CTNND1: variants seen among roughly 807,000 people sequenced by gnomAD.
CTNND1 encodes the protein catenin delta 1.
A neutral mutation model predicts 112.1 loss-of-function variants in CTNND1; 16 were observed. That is an observed-to-expected ratio of 0.14 (90% CI 0.10 to 0.22). The LOEUF (loss-of-function observed/expected upper bound fraction) is 0.22. Among genes scored for constraint, CTNND1 ranks in the 10% least tolerant of loss-of-function variants. The pLI is 1.00. For synonymous variants in CTNND1, 420 were observed against 446.5 expected, an observed-to-expected ratio of 0.94 and a Z score of 0.75; for missense variants, 1,008 against 1,257.0, an observed-to-expected ratio of 0.80 and a Z score of 3.00.
intron 1 of CTNND1, chr11:57,763,973 A>G (rs1950458576): frequency 6.6e-6 from 1 of 152,266 alleles, no homozygotes; most frequent in Non-Finnish European, 1.5e-5. Flanking sequence ...ACTGGTGTGT[A>G]GTACAGAGCC....
chr11:57,805,717 G>A (rs368968014), intron 9 of CTNND1, among the ~76,000 whole-genome samples, 165 bp from the exon 10 acceptor site: 1 of 152,112 alleles, frequency 6.6e-6, no homozygotes, highest in East Asian at 1.9e-4. Context: ...TGAGGCTACC[G>A]GGATTTCAAG....
intron 1 of CTNND1, among the ~76,000 whole-genome samples, chr11:57,772,558 T>TAA (rs1343982207): frequency 6.6e-6 from 1 of 152,154 alleles, no homozygotes; most frequent in Non-Finnish European, 1.5e-5. Context: ...GAAACTAACT[T>TAA]TCCTTATGTT....
chr11:57,795,796 T>C, intron 5 of CTNND1, 67 bp downstream of exon 5: 1 of 1,433,260 alleles, frequency 7.0e-7, no homozygotes, highest in Non-Finnish European at 9.2e-7. Flanking sequence ...AGGGGAGGGG[T>C]TAAGCACTTA....
rs2063710016 is a variant in CTNND1, at chr11:57,814,347, A to G, written c.2675A>G (p.Asn892Ser). The change falls in exon 18 of 21, where the codon AAT becomes AGT. Residue 892 changes from asparagine (N) to serine (S), a missense_variant. Transcript: ENST00000399050. ...GATCGGGAAGAAATTCAGATGAGCA[A>G]TATGGGATCAAACACAAAATCACTA... ...KPDREEIQMSNMGSNTKSLDN... is the reference protein window; with the variant it reads ...KPDREEIQMSSMGSNTKSLDN... The G allele has an allele frequency of 6.2e-7, 1 of 1,611,868 alleles. No homozygotes were observed. Among genetic ancestry groups the G allele is most frequent in the Non-Finnish European group, 8.5e-7 (1 of 1,178,924 alleles).
At chr11:57,769,197 C>A (rs1033495128) in intron 1 of CTNND1, among the ~76,000 whole-genome samples, 1 of 151,824 alleles carries the variant, frequency 6.6e-6, no homozygotes, top group African/African-American at 2.4e-5. Flanking sequence ...TGCCTGTAAT[C>A]TGAGCTACTC....
intron 1 of CTNND1, among the ~76,000 whole-genome samples, chr11:57,782,356 T>C (rs894978026): frequency 2.0e-5 from 3 of 152,216 alleles, no homozygotes; most frequent in Non-Finnish European, 2.9e-5. Flanking sequence ...GGTCAGCCTT[T>C]TACCCTCTTT....
chr11:57,806,655 T>C, intron 11 of CTNND1, 177 bp downstream of exon 11: 1 of 655,488 alleles, frequency 1.5e-6, no homozygotes, highest in Non-Finnish European at 2.7e-6. Context: ...ATGCTGTTTC[T>C]GGGCAGCAGT....
chr11:57,799,168 T>A (rs2061707231), intron 6 of CTNND1, among the ~76,000 whole-genome samples: 1 of 152,208 alleles, frequency 6.6e-6, no homozygotes, highest in Non-Finnish European at 1.5e-5. Context: ...GGATAGCTAA[T>A]CCAACTCCCA....
chr11:57,764,910 C>G (rs1950704883), intron 1 of CTNND1, among the ~76,000 whole-genome samples: 1 of 152,236 alleles, frequency 6.6e-6, no homozygotes, highest in African/African-American at 2.4e-5. Context: ...CAACTCCCCA[C>G]TACCCTTGTT....
chr11:57,778,447 C>T (rs1048937434), intron 1 of CTNND1, among the ~76,000 whole-genome samples: 5 of 152,188 alleles, frequency 3.3e-5, no homozygotes. Flanking sequence ...ATCCCTAATG[C>T]AGTGCCTCCA....
At chr11:57,794,162 G>C in intron 4 of CTNND1, 81 bp downstream of exon 4, 1 of 1,259,530 alleles carries the variant, frequency 7.9e-7, no homozygotes, top group Non-Finnish European at 1.2e-6. Flanking sequence ...TTTGTGTCTT[G>C]TAAGGTGCCT....
At chr11:57,767,292 C>A (rs1406189269) in intron 1 of CTNND1, among the ~76,000 whole-genome samples, 2 of 152,036 alleles carry the variant, frequency 1.3e-5, no homozygotes, top group East Asian at 3.9e-4. Flanking sequence ...CCTTGCTGGT[C>A]AGCAGTAGGT....
At chr11:57,777,022 G>A (rs567732697) in intron 1 of CTNND1, among the ~76,000 whole-genome samples, 1 of 152,270 alleles carries the variant, frequency 6.6e-6, no homozygotes, top group South Asian at 2.1e-4. Flanking sequence ...TATGCATAAG[G>A]AAGAATTGGA....
intron 1 of CTNND1, among the ~76,000 whole-genome samples, chr11:57,773,318 A>C (rs1327900109): frequency 1.3e-5 from 2 of 151,950 alleles, no homozygotes; most frequent in African/African-American, 4.8e-5. Flanking sequence ...TTTTTTGTAG[A>C]GACATGGTCT....
At chr11:57,781,421 C>T (rs1242988328) in intron 1 of CTNND1, among the ~76,000 whole-genome samples, 6 of 152,144 alleles carry the variant, frequency 3.9e-5, no homozygotes. Context: ...AATACCTTTG[C>T]ATTTCAATGA....
chr11:57,808,681 T>G, intron 14 of CTNND1, 141 bp downstream of exon 14: 1 of 740,324 alleles, frequency 1.4e-6, no homozygotes, highest in Non-Finnish European at 2.0e-6. Context: ...AATGCGAGAG[T>G]TGGTAAGGGT....
intron 16 of CTNND1, among the ~76,000 whole-genome samples, 195 bp downstream of exon 16, chr11:57,810,418 T>A (rs532247492): frequency 6.6e-6 from 1 of 152,042 alleles, no homozygotes; most frequent in East Asian, 2.0e-4. Flanking sequence ...AACCTCTGCC[T>A]CCCGGGTTCA....
At chr11:57,773,753 A>G (rs1953412192) in intron 1 of CTNND1, among the ~76,000 whole-genome samples, 1 of 151,614 alleles carries the variant, frequency 6.6e-6, no homozygotes, top group African/African-American at 2.4e-5. Flanking sequence ...CCTGGCCAAC[A>G]TAGCAAAACC....
rs1263805256 is a variant in CTNND1, at chr11:57,818,579, G to T, written c.*2271G>T. Reference sequence around the variant, plus strand: ...GAGGTTATACCAGGATTTATTTTGAGCTCAGCCCCAACTCTTTATCAAGCA... The same window carrying T: ...GAGGTTATACCAGGATTTATTTTGATCTCAGCCCCAACTCTTTATCAAGCA... On this transcript the variant is annotated 3_prime_UTR_variant, in exon 21 of 21. Coordinates refer to ENST00000399050, the MANE Select transcript of CTNND1 (RefSeq NM_001085458.2). The T allele has an allele frequency of 6.6e-6, 1 of 152,314 alleles. No homozygotes were observed. The allele number at this position is 152,314 out of a possible 1,614,324, so 9.4% of individuals were successfully genotyped here.
Sources: gnomAD v4.1 joint callset for allele counts (sites outside exome capture counted in the v4.1 genomes callset) on GRCh38, gnomAD v4.1.1 for gene constraint, MANE v1.5 for transcripts, NCBI Gene and HGNC (gene_info 2026-07-23, HGNC 2026-07-21) for gene names.